Variants in TBC1D10B observed in about 807,000 individuals in gnomAD.
The protein encoded by TBC1D10B is TBC1 domain family member 10B, also known as Rab27A-GAPbeta.
In TBC1D10B, 25 loss-of-function variants were observed where a neutral mutation model predicts 78.4. That is an observed-to-expected ratio of 0.32 (90% CI 0.23 to 0.45). TBC1D10B has a LOEUF of 0.45. Among genes scored for constraint, TBC1D10B ranks in the 20% least tolerant of loss-of-function variants. TBC1D10B has a pLI of 1.00. For synonymous variants in TBC1D10B, 517 were observed against 478.0 expected (o/e 1.08, Z -1.06); for missense variants, 996 against 1,104.8 (o/e 0.90, Z 1.40).
intron 4 of TBC1D10B, among the ~76,000 whole-genome samples, chr16:30,360,945 G>A (rs373285644): frequency 5.3e-5 from 8 of 150,770 alleles, no homozygotes; most frequent in East Asian, 1.9e-4. Context: ...TCTCTCCACC[G>A]TTCCCACAAG....
rs1485138326 is a variant in TBC1D10B at position 30,365,209 on chromosome 16, T to C, written c.1060A>G (p.Lys354Glu). 6.2e-7 allele frequency: 1 copy of C among 1,613,724 alleles called. No individual in the cohort carries two copies. The highest frequency in any genetic ancestry group is 8.5e-7 in the Non-Finnish European group (1 of 1,179,830). ...GGGATCCCCTTCCGGCAGCGCAGCT[T>C]CACCTAAGGCAAAGTGGCAGGAGGG... ...KWLSRRFQKV[K>E]LRCRKGIPSS... Residue 354 changes from lysine (K) to glutamate (E), a missense_variant, in exon 3 of 9, where the codon AAG (lysine) becomes GAG (glutamate). Physicochemically the swap from Lys to Glu is moderately conservative, Grantham distance 56. Transcript: ENST00000409939. The surrounding 1 kb of genome is among the most constrained non-coding windows in gnomAD (Gnocchi z 5.0).
chr16:30,365,152 G>C lies in TBC1D10B; in HGVS notation c.1117C>G (p.Leu373Val). The C allele has an allele frequency of 6.2e-7, 1 of 1,614,020 alleles. No individual in the cohort carries two copies. Among genetic ancestry groups the C allele is most frequent in the Non-Finnish European group, 8.5e-7 (1 of 1,179,898 alleles). The stretch of plus-strand genomic sequence containing the variant: ...TCCAGAAGTTCCTTGCTATTAGACA[G>C]GTACTGCCAGGCTTTGGCTCTGAGA... Reference protein sequence around the residue: ...SSLRAKAWQYLSNSKELLEQN... With the variant: ...SSLRAKAWQYVSNSKELLEQN... The change falls in exon 3 of 9, where the codon CTG becomes GTG. Residue 373 changes from leucine to valine, a missense_variant. Leu to Val is a conservative substitution (Grantham distance 32). Transcript: ENST00000409939. This position sits in a 1 kb window ranked among gnomAD's most constrained non-coding sequence, Gnocchi z 5.0.
At chr16:30,367,376 AT>A (rs2151102896) in intron 1 of TBC1D10B, 1 of 152,348 alleles carries the variant, frequency 6.6e-6, no homozygotes, top group East Asian at 1.9e-4. Flanking sequence ...ATTAATTTCT[AT>A]CATAAGTCGG....
intron 4 of TBC1D10B, among the ~76,000 whole-genome samples, chr16:30,361,733 CAG>C (rs1442320332): frequency 1.4e-5 from 2 of 147,892 alleles, no homozygotes; most frequent in Non-Finnish European, 3.0e-5. Flanking sequence ...TCCTTTGAGA[CAG>C]AGTTTCGCTC....
Position 30,358,091 on chromosome 16 carries a change from T to C in TBC1D10B, c.2280A>G (p.Arg760=), listed in dbSNP as rs1298889696. 6 of 1,550,022 alleles carry C rather than the reference T, an allele frequency of 3.9e-6. No individual in the cohort carries two copies. The highest frequency in any genetic ancestry group is 5.2e-6 in the Non-Finnish European group (6 of 1,145,512). ...EKEREKQEKE[R]EKQEKERQKQ... The stretch of plus-strand genomic sequence containing the variant: ...TCTGCCGCTCCTTCTCCTGCTTCTC[T>C]CGCTCCTTTTCCTGCTTCTCTCGCT... Residue 760 remains arginine, a synonymous_variant, in exon 9 of 9, where the codon CGA becomes CGG. Coordinates refer to ENST00000409939, the MANE Select transcript of TBC1D10B (RefSeq NM_015527.4).
chr16:30,359,463 G>A, intron 6 of TBC1D10B, 75 bp downstream of exon 6: 1 of 1,548,478 alleles, frequency 6.5e-7, no homozygotes, highest in Non-Finnish European at 8.7e-7. Flanking sequence ...GGCCAGGGTG[G>A]GGCAAGGCAA....
chr16:30,357,846 G>T lies in TBC1D10B; in HGVS notation c.*98C>A. On this transcript the variant is annotated 3_prime_UTR_variant, in exon 9 of 9. Coordinates refer to ENST00000409939, the MANE Select transcript of TBC1D10B (RefSeq NM_015527.4). ...AACCAAGCCACTTTCCCCAGCAAGG[G>T]ACAGCCTGACAAGGTGCTAGGGGGT... 7.0e-7 allele frequency: 1 copy of T among 1,437,434 alleles called. No individual in the cohort carries two copies. Among genetic ancestry groups the T allele is most frequent in the South Asian group, 1.5e-5 (1 of 68,642 alleles). 89.0% of individuals were successfully genotyped at this position (1,437,434 alleles called of 1,614,324 possible).
intron 4 of TBC1D10B, among the ~76,000 whole-genome samples, chr16:30,363,987 C>G (rs887313500): frequency 2.6e-5 from 4 of 151,922 alleles, no homozygotes; most frequent in African/African-American, 9.7e-5. Flanking sequence ...TGTGGTGGCG[C>G]GCACCTGTAA....
chr16:30,370,169 C>T lies in TBC1D10B; in HGVS notation c.15G>A (p.Thr5=). METG[T]APLVAPPRRH... is the part of the protein sequence containing the mutation. ...GGCGCGGCGGGGCCACCAGGGGCGC[C>T]GTGCCCGTCTCCATGGCCGCGGGCC... The change falls in exon 1 of 9, where the codon ACG becomes ACA. Residue 5 remains threonine, a synonymous_variant. Coordinates refer to ENST00000409939, the MANE Select transcript of TBC1D10B (RefSeq NM_015527.4). The T allele has an allele frequency of 5.1e-6, 6 of 1,179,196 alleles. No individual in the cohort carries two copies. Among genetic ancestry groups the T allele is most frequent in the Non-Finnish European group, 6.3e-6 (6 of 954,116 alleles). 73.0% of individuals were successfully genotyped at this position (1,179,196 alleles called of 1,614,324 possible).
chr16:30,369,815 C>G lies in TBC1D10B; in HGVS notation c.369G>C (p.Ser123=). The G allele has an allele frequency of 7.1e-7, 1 of 1,418,146 alleles. No individual in the cohort carries two copies. Among genetic ancestry groups the G allele is most frequent in the Non-Finnish European group, 9.2e-7 (1 of 1,086,234 alleles). 87.8% of individuals were successfully genotyped at this position (1,418,146 alleles called of 1,614,324 possible). A position where few individuals can be genotyped will look rare whatever the true frequency, so the allele number is the denominator to read the frequency against. Residue 123 remains serine, a synonymous_variant, in exon 1 of 9, where the codon TCG becomes TCC. Coordinates refer to ENST00000409939, the MANE Select transcript of TBC1D10B (RefSeq NM_015527.4). The surrounding 1 kb of genome is among the most constrained non-coding windows in gnomAD (Gnocchi z 4.3). ...EPAAVAGVET[S]RALAAGADSP... Reference sequence around the variant, plus strand: ...AGTCTGCCCCTGCGGCCAGAGCCCTCGATGTCTCAACTCCAGCCACTGCCG... The same window carrying G: ...AGTCTGCCCCTGCGGCCAGAGCCCTGGATGTCTCAACTCCAGCCACTGCCG...
rs1190608319 is a variant in TBC1D10B at position 30,370,259 on chromosome 16, C to G, written c.-76G>C. ...CCGCCCCTCGGGCCTCCCGGCGAGGCCAGCCGAGAAAGGGGAGAGGGCGAA... is the reference window on the plus strand; with the variant it reads ...CCGCCCCTCGGGCCTCCCGGCGAGGGCAGCCGAGAAAGGGGAGAGGGCGAA... On this transcript the variant is annotated 5_prime_UTR_variant, in exon 1 of 9. Transcript: ENST00000409939. 1 of 817,130 alleles carries G rather than the reference C, an allele frequency of 1.2e-6. No homozygotes were observed. The highest frequency in any genetic ancestry group is 1.5e-6 in the Non-Finnish European group (1 of 645,196). 50.6% of individuals were successfully genotyped at this position (817,130 alleles called of 1,614,324 possible).
rs2049563931 is a variant in TBC1D10B, at chr16:30,357,808, CGAG to C, written c.*133_*135del. The C allele has an allele frequency of 8.2e-7, 1 of 1,219,478 alleles. No individual in the cohort carries two copies. The highest frequency in any genetic ancestry group is 1.1e-6 in the Non-Finnish European group (1 of 900,506). The allele number at this position is 1,219,478 out of a possible 1,614,324, so 75.5% of individuals were successfully genotyped here. ...TGCCCGTGTAGGGATCAGCAGCTGG[CGAG>C]GAGATGGGGAACCAAGCCACTTTCC... On this transcript the variant is annotated 3_prime_UTR_variant, in exon 9 of 9. Coordinates refer to ENST00000409939, the MANE Select transcript of TBC1D10B (RefSeq NM_015527.4).
Position 30,370,490 on chromosome 16 carries a change from G to A in TBC1D10B, c.-307C>T, listed in dbSNP as rs909920757. Among the ~76,000 whole-genome samples the A allele has an allele frequency of 4.6e-5, 7 of 152,110 alleles. No individual in the cohort carries two copies. Among genetic ancestry groups the A allele is most frequent in the African/African-American group, 7.2e-5 (3 of 41,456 alleles). ...GCCGCAGAGCCGGCTCCGCGCCAGC[G>A]TCTCGGCGTTCCACGCCTGCGCGCG... On this transcript the variant is annotated 5_prime_UTR_variant, in exon 1 of 9. It adds an upstream start codon to the 5' untranslated region. Coordinates refer to ENST00000409939, the MANE Select transcript of TBC1D10B (RefSeq NM_015527.4).
chr16:30,358,559 C>A lies in TBC1D10B; in HGVS notation c.1812G>T (p.Pro604=), dbSNP rs778531864. The change falls in exon 9 of 9, where the codon CCG becomes CCT. Residue 604 remains proline, a synonymous_variant. Transcript: ENST00000409939. The stretch of plus-strand genomic sequence containing the variant: ...CCCGCTCAATCAGTGCTTCTGTCAC[C>A]GGCAGATTGGTCACCTGCACAGAGA... The part of the protein sequence containing the change: ...DFLVHEVTNL[P]VTEALIEREN... The A allele has an allele frequency of 6.3e-7, 1 of 1,599,816 alleles. No individual in the cohort carries two copies. Among genetic ancestry groups the A allele is most frequent in the Non-Finnish European group, 8.6e-7 (1 of 1,169,244 alleles).
In TBC1D10B at chr16:30,358,507, G is replaced by T; in HGVS notation, c.1864C>A (p.Arg622=). ...RENAAQLKKW[R]ETRGELQYRP... ...TACTGCAGCTCCCCCCGCGTTTCCC[G>T]CCACTTCTTGAGCTGGGCTGCATTC... The change falls in exon 9 of 9, where the codon CGG becomes AGG. Residue 622 remains arginine, a synonymous_variant. Coordinates refer to ENST00000409939, the MANE Select transcript of TBC1D10B (RefSeq NM_015527.4). 1 of 1,608,604 alleles carries T rather than the reference G, an allele frequency of 6.2e-7. No individual in the cohort carries two copies.
At chr16:30,362,903 G>A (rs1024732193) in intron 4 of TBC1D10B, among the ~76,000 whole-genome samples, 2 of 152,170 alleles carry the variant, frequency 1.3e-5, no homozygotes, top group South Asian at 2.1e-4. Flanking sequence ...TAGGCATGGT[G>A]GCGGGTGCCT....
Position 30,358,369 on chromosome 16 carries a change from G to T in TBC1D10B, c.2002C>A (p.Arg668=). 6.4e-7 allele frequency: 1 copy of T among 1,560,836 alleles called. No individual in the cohort carries two copies. The highest frequency in any genetic ancestry group is 1.2e-5 in the South Asian group (1 of 84,862). ...GCCCCTCCAGCTGCCCGGGAGCCTC[G>T]GCTCTTGAGGCCAGGGAGGCTGAGG... ...SLLSLPGLKS[R]GSRAAGGAPS... Residue 668 remains arginine, a synonymous_variant, in exon 9 of 9, where the codon CGA becomes AGA. Coordinates refer to ENST00000409939, the MANE Select transcript of TBC1D10B (RefSeq NM_015527.4).
intron 4 of TBC1D10B, among the ~76,000 whole-genome samples, chr16:30,360,535 C>T (rs977383280): frequency 1.3e-5 from 2 of 152,130 alleles, no homozygotes; most frequent in Non-Finnish European, 2.9e-5. Context: ...CTCTCCCTGC[C>T]TCCAGTCTCA....
In TBC1D10B at chr16:30,365,301, C is replaced by T; in HGVS notation, c.1057-89G>A. On this transcript the variant is annotated intron_variant, in intron 2 of 8. Coordinates refer to ENST00000409939, the MANE Select transcript of TBC1D10B (RefSeq NM_015527.4). The surrounding 1 kb of genome is among the most constrained non-coding windows in gnomAD (Gnocchi z 5.0). ...GCAGTCCACAAACTCCCTGGATACT[C>T]CTCCGACATCCCATAGGCTTGATTC... The T allele has an allele frequency of 7.7e-7, 1 of 1,293,990 alleles. No homozygotes were observed. The highest frequency in any genetic ancestry group is 1.2e-5 in the South Asian group (1 of 80,688). 80.2% of individuals were successfully genotyped at this position (1,293,990 alleles called of 1,614,324 possible). A position where few individuals can be genotyped will look rare whatever the true frequency, so the allele number is the denominator to read the frequency against.
Sources: gnomAD v4.1 joint callset for allele counts (sites outside exome capture counted in the v4.1 genomes callset) on GRCh38, gnomAD v4.1.1 for gene constraint, Gnocchi (gnomAD v3.1) non-coding constraint, MANE v1.5 for transcripts, NCBI Gene and HGNC (gene_info 2026-07-23, HGNC 2026-07-21) for gene names.